WNT7A: variants seen among roughly 807,000 people sequenced by gnomAD.
The protein encoded by WNT7A is Wnt family member 7A.
WNT7A carries 16 observed loss-of-function variants against 28.2 expected under a neutral mutation model. The observed-to-expected ratio is 0.57, with a 90% CI of 0.38 to 0.86. The LOEUF (loss-of-function observed/expected upper bound fraction) is 0.86. Ranked by LOEUF, WNT7A falls within the 40% of genes least tolerant of loss-of-function variation. The probability of loss-of-function intolerance (pLI) is 0.00; values close to 1 mark genes in which losing one functional copy is unlikely to be tolerated. For missense variants in WNT7A, 411 were observed against 489.7 expected (o/e 0.84, Z 1.52); for synonymous variants, 190 against 195.9 (o/e 0.97, Z 0.25).
chr3:13,834,316 GGGGA>G (rs1694329738), intron 3 of WNT7A, among the ~76,000 whole-genome samples: 1 of 152,078 alleles, frequency 6.6e-6, no homozygotes, highest in African/African-American at 2.4e-5. Context: ...TTCCAGTTGT[GGGGA>G]GCTGAGGAGA....
At chr3:13,824,297 C>A (rs1694160908) in intron 3 of WNT7A, among the ~76,000 whole-genome samples, 1 of 152,174 alleles carries the variant, frequency 6.6e-6, no homozygotes. Flanking sequence ...TACCTGCTGT[C>A]TTTGTAGATC....
At chr3:13,846,873 C>T (rs913311201) in intron 3 of WNT7A, among the ~76,000 whole-genome samples, 14 of 152,178 alleles carry the variant, frequency 9.2e-5, no homozygotes, top group South Asian at 2.1e-4. Flanking sequence ...GGGCCTGCCC[C>T]GGCTGCCCAC....
At chr3:13,861,576 G>A (rs889344305) in intron 2 of WNT7A, among the ~76,000 whole-genome samples, 1 of 152,224 alleles carries the variant, frequency 6.6e-6, no homozygotes, top group Admixed American at 6.5e-5. Context: ...GGTGCCTTGA[G>A]TGGGGAGGTC....
chr3:13,856,883 A>G lies in WNT7A; in HGVS notation c.299-2080T>C, dbSNP rs368250396. ...AGGAAGAGGAAGAGGAAGAAGAGGA[A>G]GAAGAAGAAAAAGAAGAAGAAGAAG... On this transcript the variant is annotated intron_variant, in intron 2 of 3. Coordinates refer to ENST00000285018, the MANE Select transcript of WNT7A (RefSeq NM_004625.4). Among the ~76,000 whole-genome samples, 484 of 73,054 alleles carry G rather than the reference A, an allele frequency of 6.6e-3. 17 individuals carry two copies. Among genetic ancestry groups the G allele is most frequent in the African/African-American group, 0.033 (438 of 13,260 alleles). The allele number at this position is 73,054 out of a possible 152,430, so 47.9% of individuals were successfully genotyped here. A position where few individuals can be genotyped will look rare whatever the true frequency, so the allele number is the denominator to read the frequency against.
At chr3:13,859,217 T>A (rs916926407) in intron 2 of WNT7A, among the ~76,000 whole-genome samples, 1 of 152,026 alleles carries the variant, frequency 6.6e-6, no homozygotes, top group Non-Finnish European at 1.5e-5. Flanking sequence ...CCAGGCAAAT[T>A]TAAGGTTTAC....
At chr3:13,831,995 G>C (rs924319882) in intron 3 of WNT7A, among the ~76,000 whole-genome samples, 14 of 152,058 alleles carry the variant, frequency 9.2e-5, no homozygotes, top group African/African-American at 3.4e-4. Context: ...CCCAACCCCG[G>C]GAGACAATAA....
intron 3 of WNT7A, 129 bp downstream of exon 3, chr3:13,854,403 A>G (rs776938704): frequency 2.7e-6 from 4 of 1,472,412 alleles, no homozygotes; most frequent in Non-Finnish European, 3.8e-6. Flanking sequence ...TGATGCCAGC[A>G]CCAAGCAGAA....
intron 2 of WNT7A, among the ~76,000 whole-genome samples, chr3:13,864,992 T>C (rs1694889076): frequency 6.6e-6 from 1 of 152,146 alleles, no homozygotes; most frequent in Admixed American, 6.5e-5. Context: ...GGGAAAGATA[T>C]GGAAATTGGT....
intron 3 of WNT7A, among the ~76,000 whole-genome samples, chr3:13,837,055 C>G (rs1694381368): frequency 6.6e-6 from 1 of 152,156 alleles, no homozygotes; most frequent in Non-Finnish European, 1.5e-5. Context: ...CTGGGGGTGT[C>G]TGGTTTTGGG....
At chr3:13,838,028 G>A (rs1281485473) in intron 3 of WNT7A, among the ~76,000 whole-genome samples, 1 of 152,236 alleles carries the variant, frequency 6.6e-6, no homozygotes, top group African/African-American at 2.4e-5. Flanking sequence ...GAGATATTCT[G>A]TTCCTGCCTT....
At chr3:13,856,589 G>C (rs1474939597) in intron 2 of WNT7A, among the ~76,000 whole-genome samples, 2 of 152,154 alleles carry the variant, frequency 1.3e-5, no homozygotes, top group Non-Finnish European at 2.9e-5. Context: ...AGGCTGAGGT[G>C]GGCAGATCAC....
intron 2 of WNT7A, among the ~76,000 whole-genome samples, chr3:13,857,355 G>A (rs1694762352): frequency 6.6e-6 from 1 of 152,158 alleles, no homozygotes; most frequent in African/African-American, 2.4e-5. Flanking sequence ...CAGGGCCTTG[G>A]TAAAGAGATA....
Position 13,851,799 on chromosome 3 carries a change from C to T in WNT7A, c.570+2733G>A, listed in dbSNP as rs150770203. Among the ~76,000 whole-genome samples, 142 of 152,376 alleles carry T rather than the reference C, an allele frequency of 9.3e-4. 1 individual carries two copies. The highest frequency in any genetic ancestry group is 1.6e-3 in the Admixed American group (24 of 15,308). On this transcript the variant is annotated intron_variant, in intron 3 of 3. Coordinates refer to ENST00000285018, the MANE Select transcript of WNT7A (RefSeq NM_004625.4). ...CCCAACTGAGGAGCCTATGATTCCA[C>T]ACATCATACGCTAGGATGTGAACTT...
At chr3:13,853,549 C>T (rs1393891884) in intron 3 of WNT7A, among the ~76,000 whole-genome samples, 6 of 152,226 alleles carry the variant, frequency 3.9e-5, no homozygotes. Flanking sequence ...CCTTTCCCTG[C>T]CTAGCCAAAC....
chr3:13,845,708 C>G (rs753651184), intron 3 of WNT7A, among the ~76,000 whole-genome samples: 2 of 152,182 alleles, frequency 1.3e-5, no homozygotes, highest in Non-Finnish European at 2.9e-5. Flanking sequence ...AATGAGAAGG[C>G]AGGGACAGAT....
At chr3:13,861,538 C>T (rs541221823) in intron 2 of WNT7A, among the ~76,000 whole-genome samples, 6 of 152,304 alleles carry the variant, frequency 3.9e-5, no homozygotes, top group South Asian at 2.1e-4. Flanking sequence ...TGACACAGGG[C>T]AGTGATGGGA....
chr3:13,824,988 A>C (rs1214311397), intron 3 of WNT7A, among the ~76,000 whole-genome samples: 1 of 152,206 alleles, frequency 6.6e-6, no homozygotes, highest in Admixed American at 6.5e-5. Flanking sequence ...AACCAAGGAC[A>C]CTGTGCAAGG....
At chr3:13,858,132 C>T (rs1694776181) in intron 2 of WNT7A, among the ~76,000 whole-genome samples, 1 of 152,202 alleles carries the variant, frequency 6.6e-6, no homozygotes. Flanking sequence ...GGCCTCTGGG[C>T]ACCCCATGTA....
intron 2 of WNT7A, among the ~76,000 whole-genome samples, chr3:13,873,346 A>T (rs534137581): frequency 3.3e-5 from 5 of 151,928 alleles, no homozygotes; most frequent in Non-Finnish European, 5.9e-5. Flanking sequence ...ATTTGTCACC[A>T]GGTGTCATTT....
Sources: allele counts gnomAD v4.1 joint callset (sites outside exome capture counted in the v4.1 genomes callset), GRCh38; gene constraint gnomAD v4.1.1; transcripts MANE v1.5; gene names NCBI Gene and HGNC (gene_info 2026-07-23, HGNC 2026-07-21).